The following FAM53A variants were observed in gnomAD, a reference collection of about 807,000 sequenced individuals.
FAM53A encodes protein FAM53A.
In FAM53A, 28 loss-of-function variants were observed where a neutral mutation model predicts 26.6. The observed-to-expected ratio is 1.05, with a 90% confidence interval of 0.78 to 1.45. The LOEUF (loss-of-function observed/expected upper bound fraction) is 1.45. FAM53A is among the 40% of genes most tolerant of loss of function. The pLI is 0.00. For missense variants in FAM53A, 650 were observed against 575.8 expected, an observed-to-expected ratio of 1.13 and a Z score of -1.32; for synonymous variants, 290 against 253.1, an observed-to-expected ratio of 1.15 and a Z score of -1.38.
chr4:1,592,498 G>T, the FAM53A span, among the ~76,000 whole-genome samples: 1 of 147,812 alleles, frequency 6.8e-6, no homozygotes, highest in Non-Finnish European at 1.5e-5. Flanking sequence ...GGGGCGCTGC[G>T]GTCCTTCCTG....
intron 1 of FAM53A, among the ~76,000 whole-genome samples, chr4:1,629,083 G>A (rs1020511482): frequency 6.6e-6 from 1 of 151,948 alleles, no homozygotes; most frequent in Non-Finnish European, 1.5e-5. Flanking sequence ...TGCCTGCGTT[G>A]GGGGACAGCA....
chr4:1,681,757 C>T (rs1324871125), intron 1 of FAM53A, among the ~76,000 whole-genome samples: 2 of 152,094 alleles, frequency 1.3e-5, no homozygotes, highest in African/African-American at 4.8e-5. Context: ...CCTGCCTCAG[C>T]CTTCCAAAAT....
the FAM53A span, among the ~76,000 whole-genome samples, chr4:1,601,033 C>T: frequency 3.3e-5 from 5 of 152,054 alleles, no homozygotes; most frequent in African/African-American, 9.6e-5. Flanking sequence ...CCCAGGGCCA[C>T]GCCCAGGGCC....
the FAM53A span, among the ~76,000 whole-genome samples, chr4:1,590,989 T>TATACACACAC: frequency 2.4e-5 from 3 of 126,848 alleles, no homozygotes; most frequent in African/African-American, 1.0e-4. Context: ...TATATATATA[T>TATACACACAC]ATATATATAT....
Position 1,674,767 on chromosome 4 carries a change from T to C in FAM53A, c.-164-5862A>G, listed in dbSNP as rs115338551. ...GGGTGCAGACTTGAACATAACCTCC[T>C]GGGGGATGCGATTCCACACACACAA... On this transcript the variant is annotated intron_variant, in intron 1 of 4. Transcript: ENST00000308132. Among the ~76,000 whole-genome samples, 932 of 152,256 alleles carry C rather than the reference T, an allele frequency of 6.1e-3. 11 individuals carry two copies. Among genetic ancestry groups the C allele is most frequent in the African/African-American group, 0.021 (876 of 41,548 alleles).
chr4:1,655,796 A>G, intron 3 of FAM53A, 73 bp from the exon 4 acceptor site: 1 of 1,436,122 alleles, frequency 7.0e-7, no homozygotes. Context: ...CATCCCGGCA[A>G]ACAGCCTGGC....
intron 1 of FAM53A, among the ~76,000 whole-genome samples, chr4:1,679,583 G>A (rs1446055725): frequency 6.6e-6 from 1 of 150,842 alleles, no homozygotes; most frequent in Non-Finnish European, 1.5e-5. Context: ...CTACTCGGGA[G>A]GCTGAGGCAG....
chr4:1,602,679 C>T, the FAM53A span, among the ~76,000 whole-genome samples: 2 of 152,162 alleles, frequency 1.3e-5, no homozygotes, highest in Admixed American at 6.5e-5. Context: ...GCCCCCTCCC[C>T]GCCAGGCAGG....
chr4:1,679,680 C>A lies in FAM53A; in HGVS notation c.-165+4553G>T, dbSNP rs754700979. Among the ~76,000 whole-genome samples the A allele has an allele frequency of 8.7e-4, 109 of 125,644 alleles. 1 individual carries two copies. Among genetic ancestry groups the A allele is most frequent in the Non-Finnish European group, 1.4e-3 (86 of 61,296 alleles). The allele number at this position is 125,644 out of a possible 152,430, so 82.4% of individuals were successfully genotyped here. A position where few individuals can be genotyped will look rare whatever the true frequency, so the allele number is the denominator to read the frequency against. On this transcript the variant is annotated intron_variant, in intron 1 of 4. Transcript: ENST00000308132. ...CAGGCTAGGCAACAAGAGGGAAACT[C>A]CATTAAAAAAAAAAAAAAAAAAAAG...
intron 1 of FAM53A, among the ~76,000 whole-genome samples, chr4:1,673,364 G>A (rs1714816540): frequency 6.6e-6 from 1 of 152,220 alleles, no homozygotes; most frequent in Non-Finnish European, 1.5e-5. Flanking sequence ...GTGAACGCCT[G>A]GAGGGTCTGC....
At chr4:1,660,654 C>T (rs761967576) in intron 2 of FAM53A, among the ~76,000 whole-genome samples, 14 of 152,040 alleles carry the variant, frequency 9.2e-5, no homozygotes, top group Admixed American at 2.0e-4. Context: ...TTTGGGAGGC[C>T]GACACAGGCA....
the FAM53A span, among the ~76,000 whole-genome samples, chr4:1,612,084 A>G: frequency 6.6e-6 from 1 of 152,186 alleles, no homozygotes; most frequent in East Asian, 1.9e-4. Flanking sequence ...TGGCTGATGA[A>G]TTGAATGGGT....
chr4:1,613,211 T>G (rs1332662167), downstream of FAM53A, among the ~76,000 whole-genome samples: 1 of 152,140 alleles, frequency 6.6e-6, no homozygotes, highest in Non-Finnish European at 1.5e-5. Flanking sequence ...ACAGACTGAG[T>G]AATTTACAAA....
chr4:1,663,924 C>T (rs945428875), intron 2 of FAM53A, among the ~76,000 whole-genome samples: 1 of 151,928 alleles, frequency 6.6e-6, no homozygotes, highest in Non-Finnish European at 1.5e-5. Flanking sequence ...AGGGGCAGGG[C>T]AGTGCTCACT....
downstream of FAM53A, among the ~76,000 whole-genome samples, chr4:1,637,218 A>G (rs1469568316): frequency 6.6e-6 from 1 of 152,042 alleles, no homozygotes; most frequent in African/African-American, 2.4e-5. Context: ...ATGGCCAGAG[A>G]ATAGGCCCAG....
chr4:1,605,563 C>A, the FAM53A span, among the ~76,000 whole-genome samples: 1 of 152,184 alleles, frequency 6.6e-6, no homozygotes, highest in African/African-American at 2.4e-5. The surrounding 1 kb of genome is among the most constrained non-coding windows in gnomAD (Gnocchi z 5.7). Context: ...TCTGCCACAG[C>A]CGCCCTCCAG....
chr4:1,648,587 C>G (rs1446111203), intron 4 of FAM53A, among the ~76,000 whole-genome samples: 1 of 152,202 alleles, frequency 6.6e-6, no homozygotes, highest in African/African-American at 2.4e-5. Context: ...TCCCCACAAA[C>G]CTTTTTACCA....
At chr4:1,598,603 G>A in the FAM53A span, among the ~76,000 whole-genome samples, 3 of 152,182 alleles carry the variant, frequency 2.0e-5, no homozygotes, top group Admixed American at 2.0e-4. Flanking sequence ...CTTCTGGAAC[G>A]CACCCCCTCC....
chr4:1,639,530 G>A (rs936636206), downstream of FAM53A, among the ~76,000 whole-genome samples: 4 of 152,138 alleles, frequency 2.6e-5, no homozygotes, highest in South Asian at 2.1e-4. Flanking sequence ...GCCTGCCAAC[G>A]ACAGGAGGGC....
Sources: allele counts gnomAD v4.1 joint callset (sites outside exome capture counted in the v4.1 genomes callset), GRCh38; gene constraint gnomAD v4.1.1; non-coding constraint Gnocchi (gnomAD v3.1); transcripts MANE v1.5; gene names NCBI Gene and HGNC (gene_info 2026-07-23, HGNC 2026-07-21).